The following CDC73 variants were observed in gnomAD, a reference collection of about 807,000 sequenced individuals.
CDC73 encodes parafibromin.
A neutral mutation model predicts 83.7 loss-of-function variants in CDC73; 21 were observed. That is an observed-to-expected ratio of 0.25 (90% CI 0.18 to 0.36). The LOEUF is 0.36. CDC73 is among the 10% of genes least tolerant of loss of function. The pLI is 1.00. For missense variants in CDC73, 342 were observed against 653.3 expected (o/e 0.52, Z 5.19); for synonymous variants, 224 against 212.9 (o/e 1.05, Z -0.45).
chr1:193,228,812 C>CA (rs1677606850), intron 13 of CDC73, among the ~76,000 whole-genome samples: 1 of 151,508 alleles, frequency 6.6e-6, no homozygotes, highest in Non-Finnish European at 1.5e-5. Context: ...AACTTCTGTT[C>CA]ATCAAAAGAC....
chr1:193,225,992 A>G (rs1677561158), intron 13 of CDC73, among the ~76,000 whole-genome samples: 2 of 152,114 alleles, frequency 1.3e-5, no homozygotes, highest in Admixed American at 1.3e-4. Flanking sequence ...GCCGGTGTCT[A>G]GAAGGGTTTT....
chr1:193,248,824 A>G (rs1334057668), intron 15 of CDC73, among the ~76,000 whole-genome samples: 2 of 152,060 alleles, frequency 1.3e-5, no homozygotes, highest in Non-Finnish European at 2.9e-5. Flanking sequence ...TGGAACTTGA[A>G]TGGATGAGGA....
At chr1:193,205,208 C>CCCTT (rs145197340) in intron 11 of CDC73, among the ~76,000 whole-genome samples, 3 of 82,492 alleles carry the variant, frequency 3.6e-5, no homozygotes, top group African/African-American at 1.3e-4. Context: ...CCCCCCCCCC[C>CCCTT]TTTTTTTTTA....
chr1:193,177,825 G>A (rs952240288), intron 10 of CDC73, among the ~76,000 whole-genome samples: 1 of 152,100 alleles, frequency 6.6e-6, no homozygotes, highest in Non-Finnish European at 1.5e-5. Context: ...TATACAAAGA[G>A]GTGTGAGGAG....
intron 13 of CDC73, among the ~76,000 whole-genome samples, chr1:193,213,461 G>A (rs1677310620): frequency 1.3e-5 from 2 of 151,694 alleles, no homozygotes; most frequent in Non-Finnish European, 2.9e-5. Context: ...TTTTAAGATA[G>A]TTCCTTCTGT....
In CDC73 at chr1:193,238,606, C is replaced by G. The variant is rs1293523834; in HGVS notation, c.1417+2250C>G. ...CTTCAATATCATGCAGTTGAAAACT[C>G]CCATATAACTTTTGACTTATCCCAA... On this transcript the variant is annotated intron_variant, in intron 15 of 16. Transcript: ENST00000367435. 2.0e-5 allele frequency among the ~76,000 whole-genome samples: 3 copies of G among 152,154 alleles called. No homozygotes were observed. In the South Asian group the frequency reaches 6.2e-4, roughly 32 times the overall value.
chr1:193,136,527 G>C (rs1385065151), intron 5 of CDC73: 1 of 280,830 alleles, frequency 3.6e-6, no homozygotes, highest in Admixed American at 3.5e-5. Context: ...GATATGCATA[G>C]TACTCCCAGA....
intron 3 of CDC73, 85 bp from the exon 4 acceptor site, chr1:193,135,306 A>G: frequency 8.8e-7 from 1 of 1,142,318 alleles, no homozygotes; most frequent in South Asian, 1.3e-5. Context: ...GAAGTATATA[A>G]AAAACCTAAA....
intron 9 of CDC73, among the ~76,000 whole-genome samples, chr1:193,150,971 C>T (rs998128631): frequency 1.3e-5 from 2 of 152,130 alleles, no homozygotes; most frequent in Non-Finnish European, 2.9e-5. Context: ...TATGTTAAGT[C>T]ATTTTTCCCA....
intron 15 of CDC73, among the ~76,000 whole-genome samples, chr1:193,248,167 A>G (rs1484582374): frequency 6.6e-6 from 1 of 152,086 alleles, no homozygotes; most frequent in Non-Finnish European, 1.5e-5. Flanking sequence ...ACCAGTGGTC[A>G]CTTAACATTC....
chr1:193,137,337 C>T (rs1227151061), intron 5 of CDC73, among the ~76,000 whole-genome samples: 2 of 152,182 alleles, frequency 1.3e-5, no homozygotes, highest in Non-Finnish European at 2.9e-5. Flanking sequence ...TTTTGGATCT[C>T]TAGAGTATGC....
chr1:193,235,553 C>T (rs1450413630), intron 14 of CDC73, among the ~76,000 whole-genome samples: 1 of 152,044 alleles, frequency 6.6e-6, no homozygotes, highest in African/African-American at 2.4e-5. Context: ...CTTATAATTT[C>T]TCAATTCAAT....
intron 10 of CDC73, among the ~76,000 whole-genome samples, chr1:193,158,683 A>G (rs1209151271): frequency 6.6e-6 from 1 of 152,128 alleles, no homozygotes; most frequent in African/African-American, 2.4e-5. Flanking sequence ...ACAATTTTCA[A>G]AACTTGTTGC....
chr1:193,218,096 T>C (rs1264910661), intron 13 of CDC73, among the ~76,000 whole-genome samples: 1 of 152,166 alleles, frequency 6.6e-6, no homozygotes, highest in East Asian at 1.9e-4. Context: ...GTAGAATTTC[T>C]ATACACTAGT....
At chr1:193,181,521 C>A in intron 10 of CDC73, 1 of 1,608,454 alleles carries the variant, frequency 6.2e-7, no homozygotes, top group South Asian at 1.1e-5. Context: ...CATTCCAGGT[C>A]ATCTTTGCAA....
chr1:193,209,078 C>T (rs570085560), intron 11 of CDC73, among the ~76,000 whole-genome samples: 3 of 152,312 alleles, frequency 2.0e-5, no homozygotes, highest in South Asian at 2.1e-4. Context: ...CTGCTGAAAG[C>T]TCTTTGAGGG....
intron 10 of CDC73, among the ~76,000 whole-genome samples, chr1:193,197,163 CT>C (rs557694107): frequency 6.2e-4 from 94 of 151,898 alleles, no homozygotes; most frequent in Admixed American, 3.3e-3. Context: ...TAATTTTTGT[CT>C]TTTTTTTCTA....
At chr1:193,202,395 T>C (rs1677106558) in intron 10 of CDC73, among the ~76,000 whole-genome samples, 1 of 151,386 alleles carries the variant, frequency 6.6e-6, no homozygotes, top group South Asian at 2.1e-4. Flanking sequence ...CTCTCCACCT[T>C]ATGACTCACT....
intron 15 of CDC73, among the ~76,000 whole-genome samples, chr1:193,240,978 A>T (rs1677846780): frequency 6.6e-6 from 1 of 151,984 alleles, no homozygotes; most frequent in South Asian, 2.1e-4. Flanking sequence ...TGACATCATT[A>T]TTTTGAATTC....
Sources: allele counts gnomAD v4.1 joint callset (sites outside exome capture counted in the v4.1 genomes callset), GRCh38; gene constraint gnomAD v4.1.1; transcripts MANE v1.5; gene names NCBI Gene and HGNC (gene_info 2026-07-23, HGNC 2026-07-21).